Variants in CNTNAP5 observed in about 807,000 individuals in gnomAD.
The protein encoded by CNTNAP5 is contactin associated protein family member 5.
In CNTNAP5, 72 loss-of-function variants were observed where a neutral mutation model predicts 150.2. The ratio of observed to expected loss-of-function variants is 0.48; its 90% CI spans 0.40 to 0.58. The LOEUF (loss-of-function observed/expected upper bound fraction) is 0.58. CNTNAP5 is among the 20% of genes least tolerant of loss of function. CNTNAP5 has a pLI of 0.00. For synonymous variants in CNTNAP5, 672 were observed against 619.8 expected (o/e 1.08, Z -1.25); for missense variants, 1,636 against 1,626.2 (o/e 1.01, Z -0.10).
intron 4 of CNTNAP5, among the ~76,000 whole-genome samples, chr2:124,429,089 C>T (rs997765017): frequency 6.6e-6 from 1 of 152,144 alleles, no homozygotes; most frequent in East Asian, 1.9e-4. Context: ...CAGAAAAAGT[C>T]GTTATGATAC....
chr2:124,237,197 C>T (rs186846309), intron 2 of CNTNAP5, among the ~76,000 whole-genome samples: 16 of 152,282 alleles, frequency 1.1e-4, no homozygotes, highest in Admixed American at 5.2e-4. Context: ...GTGTGTATGA[C>T]GCTTTCAACT....
chr2:124,807,268 G>C (rs952006728), intron 19 of CNTNAP5, among the ~76,000 whole-genome samples: 1 of 152,082 alleles, frequency 6.6e-6, no homozygotes. Flanking sequence ...TTGACCTCTC[G>C]ATGTTAAGAA....
intron 3 of CNTNAP5, among the ~76,000 whole-genome samples, chr2:124,373,359 G>A (rs1690574954): frequency 6.6e-6 from 1 of 152,048 alleles, no homozygotes; most frequent in Non-Finnish European, 1.5e-5. Context: ...ACCACAATCA[G>A]GATTTCCCTA....
intron 3 of CNTNAP5, among the ~76,000 whole-genome samples, chr2:124,368,991 CAAAT>C (rs1690449067): frequency 1.3e-5 from 2 of 152,054 alleles, no homozygotes; most frequent in South Asian, 4.2e-4. Context: ...TTGTTTAAAA[CAAAT>C]AATTTTTTAA....
intron 5 of CNTNAP5, among the ~76,000 whole-genome samples, chr2:124,435,466 C>CA (rs1303502306): frequency 6.7e-6 from 1 of 149,444 alleles, no homozygotes; most frequent in Non-Finnish European, 1.5e-5. Context: ...AGGATGCAAA[C>CA]AAAAAAACAC....
intron 1 of CNTNAP5, among the ~76,000 whole-genome samples, chr2:124,041,391 A>T (rs1220718401): frequency 6.6e-6 from 1 of 152,222 alleles, no homozygotes; most frequent in Non-Finnish European, 1.5e-5. Flanking sequence ...GTCTCATTTT[A>T]CACACCATCC....
intron 12 of CNTNAP5, among the ~76,000 whole-genome samples, chr2:124,624,317 C>T (rs949237899): frequency 2.6e-5 from 4 of 152,204 alleles, no homozygotes; most frequent in Non-Finnish European, 4.4e-5. Flanking sequence ...CTCCAACCCA[C>T]ATGGATGGTA....
chr2:124,578,785 GTAAATAAA>G (rs530725325), intron 11 of CNTNAP5, among the ~76,000 whole-genome samples: 39 of 151,610 alleles, frequency 2.6e-4, no homozygotes, highest in African/African-American at 6.5e-4. Context: ...AAATAAATAA[GTAAATAAA>G]TAAATAAATA....
chr2:124,582,632 T>A (rs1391434018), intron 11 of CNTNAP5, among the ~76,000 whole-genome samples: 1 of 152,136 alleles, frequency 6.6e-6, no homozygotes, highest in Admixed American at 6.6e-5. Flanking sequence ...TCAGGCTCTG[T>A]GCACTGAGCT....
intron 19 of CNTNAP5, among the ~76,000 whole-genome samples, chr2:124,853,060 G>T (rs555213829): frequency 6.6e-6 from 1 of 152,304 alleles, no homozygotes; most frequent in Middle Eastern, 3.4e-3. Flanking sequence ...GAATAGAAAA[G>T]AATCAACATG....
chr2:124,772,921 G>A lies in CNTNAP5; in HGVS notation c.2656G>A (p.Glu886Lys). Residue 886 changes from glutamate to lysine, a missense_variant, in exon 17 of 24, where the codon GAG becomes AAG. Coordinates refer to ENST00000682447, the MANE Select transcript of CNTNAP5 (RefSeq NM_001367498.1). ...HYVRAERNLK[E>K]TSLQVDNLPR... ...TGTCCGGGCTGAGAGGAACCTCAAG[G>A]AGACCTCCCTGCAGGTGGACAACCT... The A allele has an allele frequency of 6.2e-7, 1 of 1,613,722 alleles. No homozygotes were observed. The highest frequency in any genetic ancestry group is 8.5e-7 in the Non-Finnish European group (1 of 1,179,736).
intron 20 of CNTNAP5, among the ~76,000 whole-genome samples, chr2:124,869,120 G>T (rs1677691989): frequency 6.6e-6 from 1 of 152,106 alleles, no homozygotes; most frequent in Non-Finnish European, 1.5e-5. Flanking sequence ...CGTCCATGTT[G>T]GTTGCAGCTA....
At chr2:124,077,848 CAA>C (rs1284993639) in intron 1 of CNTNAP5, among the ~76,000 whole-genome samples, 1 of 152,104 alleles carries the variant, frequency 6.6e-6, no homozygotes, top group Non-Finnish European at 1.5e-5. Context: ...GACTGTACTC[CAA>C]AGAGATTCAA....
chr2:124,540,473 C>T (rs1695351607), intron 10 of CNTNAP5, among the ~76,000 whole-genome samples: 1 of 152,148 alleles, frequency 6.6e-6, no homozygotes, highest in Non-Finnish European at 1.5e-5. Flanking sequence ...GAGAGACTGC[C>T]TGTGCTCTGC....
At chr2:124,887,389 T>C (rs1037432590) in intron 21 of CNTNAP5, among the ~76,000 whole-genome samples, 16 of 152,074 alleles carry the variant, frequency 1.1e-4, no homozygotes, top group African/African-American at 3.4e-4. Context: ...CTTGCACTCC[T>C]ATTCCTGATT....
rs1284011886 is a variant in CNTNAP5, at chr2:124,869,815, T to C, written c.3436+53T>C. The C allele has an allele frequency of 3.6e-6, 4 of 1,100,240 alleles. No homozygotes were observed. In the East Asian group the frequency reaches 7.3e-5, roughly 20 times the overall value. The allele number at this position is 1,100,240 out of a possible 1,614,324, so 68.2% of individuals were successfully genotyped here. ...AGTGGGCTTTATTAAAATAAATGAA[T>C]GCATAATTTTCATTAGGGTGTTTAA... On this transcript the variant is annotated intron_variant, in intron 21 of 23. Coordinates refer to ENST00000682447, the MANE Select transcript of CNTNAP5 (RefSeq NM_001367498.1).
At chr2:124,034,927 A>G (rs1681168114) in intron 1 of CNTNAP5, among the ~76,000 whole-genome samples, 1 of 151,896 alleles carries the variant, frequency 6.6e-6, no homozygotes, top group African/African-American at 2.4e-5. Context: ...TTTCCTGTTG[A>G]TTTTGGGTTA....
chr2:124,852,754 G>A (rs779138270), intron 19 of CNTNAP5, among the ~76,000 whole-genome samples: 8 of 152,292 alleles, frequency 5.3e-5, no homozygotes, highest in East Asian at 1.9e-4. Flanking sequence ...ACTGCCTTGC[G>A]GCATGGTGAA....
At chr2:124,535,619 A>G (rs1349545464) in intron 10 of CNTNAP5, among the ~76,000 whole-genome samples, 1 of 151,378 alleles carries the variant, frequency 6.6e-6, no homozygotes, top group East Asian at 1.9e-4. Flanking sequence ...AAAAAAAAAA[A>G]AAAAAAAATT....
Sources: allele counts gnomAD v4.1 joint callset (sites outside exome capture counted in the v4.1 genomes callset), GRCh38; gene constraint gnomAD v4.1.1; transcripts MANE v1.5; gene names NCBI Gene and HGNC (gene_info 2026-07-23, HGNC 2026-07-21).